TBL1XR1: variants seen among roughly 807,000 people sequenced by gnomAD.
The protein encoded by TBL1XR1 is F-box-like/WD repeat-containing protein TBL1XR1.
TBL1XR1 carries 5 observed loss-of-function variants against 66.9 expected under a neutral mutation model. The observed-to-expected ratio is 0.07, with a 90% CI of 0.04 to 0.16. TBL1XR1 has a LOEUF of 0.16. Ranked by LOEUF, TBL1XR1 falls within the 10% of genes least tolerant of loss-of-function variation. The pLI, the probability that TBL1XR1 is intolerant of heterozygous loss-of-function variation, is 1.00. For missense variants in TBL1XR1, 238 were observed against 623.2 expected (o/e 0.38, Z 6.58); for synonymous variants, 210 against 206.0 (o/e 1.02, Z -0.17).
chr3:177,178,613 C>A (rs2178404), intron 1 of TBL1XR1, among the ~76,000 whole-genome samples: 144,140 of 152,282 alleles, frequency 0.95, 68,374 homozygotes, highest in Admixed American at 0.98. Flanking sequence ...TTGGGATGCC[C>A]AGGCAGGCGG....
At chr3:177,044,364 G>A (rs920890049) in intron 10 of TBL1XR1, among the ~76,000 whole-genome samples, 1 of 152,106 alleles carries the variant, frequency 6.6e-6, no homozygotes, top group African/African-American at 2.4e-5. Flanking sequence ...ATAGCCAGCT[G>A]CTGATTAGAA....
At chr3:177,039,960 A>C (rs536868704) in intron 10 of TBL1XR1, among the ~76,000 whole-genome samples, 2 of 152,304 alleles carry the variant, frequency 1.3e-5, no homozygotes, top group East Asian at 3.9e-4. Flanking sequence ...ACAATGTCTA[A>C]AATACTTTCA....
chr3:177,085,110 A>AT (rs1443860544), intron 2 of TBL1XR1, among the ~76,000 whole-genome samples: 1 of 152,226 alleles, frequency 6.6e-6, no homozygotes, highest in East Asian at 1.9e-4. Context: ...ACTGAAAAGC[A>AT]TAAGAATAAA....
At chr3:177,104,129 A>AAGAGAG (rs1553844013) in intron 1 of TBL1XR1, among the ~76,000 whole-genome samples, 1,625 of 141,036 alleles carry the variant, frequency 0.012, 75 homozygotes, top group Middle Eastern at 0.025. Flanking sequence ...AAAAAAAAAA[A>AAGAGAG]AGAGAGAGAG....
At chr3:177,067,998 C>T (rs1719391843) in intron 2 of TBL1XR1, among the ~76,000 whole-genome samples, 1 of 152,210 alleles carries the variant, frequency 6.6e-6, no homozygotes, top group African/African-American at 2.4e-5. Context: ...TTTAGAACAA[C>T]TGTCTTTAAA....
intron 2 of TBL1XR1, among the ~76,000 whole-genome samples, chr3:177,094,768 T>G (rs1723247970): frequency 6.6e-6 from 1 of 151,730 alleles, no homozygotes; most frequent in Non-Finnish European, 1.5e-5. Context: ...AGCGAAGCTA[T>G]GAGGAGGATG....
chr3:177,121,739 G>A (rs558683560), intron 1 of TBL1XR1, among the ~76,000 whole-genome samples: 1 of 152,080 alleles, frequency 6.6e-6, no homozygotes, highest in Admixed American at 6.6e-5. Flanking sequence ...CAATCCCATC[G>A]AGGCTGTTCC....
chr3:177,168,171 C>T (rs544432349), intron 1 of TBL1XR1, among the ~76,000 whole-genome samples: 3 of 152,172 alleles, frequency 2.0e-5, no homozygotes, highest in African/African-American at 7.2e-5. Flanking sequence ...TTAAAAATAA[C>T]TTATGAATCC....
chr3:177,051,387 AC>A (rs1717066264), intron 5 of TBL1XR1, 116 bp downstream of exon 5: 1 of 892,364 alleles, frequency 1.1e-6, no homozygotes, highest in Non-Finnish European at 1.7e-6. Flanking sequence ...TGTACAACAA[AC>A]CCCTGTGATA....
At chr3:177,070,852 A>AAAT (rs1719887979) in intron 2 of TBL1XR1, among the ~76,000 whole-genome samples, 8 of 151,482 alleles carry the variant, frequency 5.3e-5, no homozygotes, top group African/African-American at 7.3e-5. Flanking sequence ...TCTCAAAAAA[A>AAAT]AAATAAATAA....
At chr3:177,102,049 T>C (rs1182406488) in intron 1 of TBL1XR1, among the ~76,000 whole-genome samples, 1 of 152,178 alleles carries the variant, frequency 6.6e-6, no homozygotes, top group African/African-American at 2.4e-5. Context: ...CTTACATACA[T>C]CTACCTTTAT....
At chr3:177,163,864 A>G (rs1157061576) in intron 1 of TBL1XR1, 1 of 152,236 alleles carries the variant, frequency 6.6e-6, no homozygotes, top group Non-Finnish European at 1.5e-5. Context: ...ACACATAGAT[A>G]TACACATAAA....
At chr3:177,179,233 C>T (rs573051748) in intron 1 of TBL1XR1, among the ~76,000 whole-genome samples, 4 of 151,774 alleles carry the variant, frequency 2.6e-5, no homozygotes, top group Non-Finnish European at 5.9e-5. Flanking sequence ...ACTAGGCCAA[C>T]AGGAAGAATT....
chr3:177,101,090 C>A lies in TBL1XR1; in HGVS notation c.-121-2549G>T, dbSNP rs9859472. The stretch of plus-strand genomic sequence containing the variant: ...CAGGCTGGTCCCGAACTCCCAACCT[C>A]GGGTGATCTGCCCGCCTCAGCCTCC... On this transcript the variant is annotated intron_variant, in intron 1 of 15. Transcript: ENST00000457928. Among the ~76,000 whole-genome samples, 922 of 152,234 alleles carry A rather than the reference C, an allele frequency of 6.1e-3. 13 individuals carry two copies. Among genetic ancestry groups the A allele is most frequent in the African/African-American group, 0.021 (872 of 41,534 alleles).
chr3:177,185,996 G>C (rs1292805652), intron 1 of TBL1XR1, among the ~76,000 whole-genome samples: 1 of 152,112 alleles, frequency 6.6e-6, no homozygotes, highest in African/African-American at 2.4e-5. Context: ...AGGTGACAGA[G>C]CAAGACCCTG....
chr3:177,150,829 TTAA>T (rs768679428), intron 1 of TBL1XR1, among the ~76,000 whole-genome samples: 21 of 152,168 alleles, frequency 1.4e-4, no homozygotes, highest in Admixed American at 7.9e-4. Flanking sequence ...GAGTGAGGTA[TTAA>T]TAAGGAGAAA....
chr3:177,164,978 C>T (rs909607959), intron 1 of TBL1XR1, among the ~76,000 whole-genome samples: 4 of 151,768 alleles, frequency 2.6e-5, no homozygotes, highest in African/African-American at 9.7e-5. Flanking sequence ...TTTACCGTGG[C>T]AAAGAAATGT....
At chr3:177,122,131 G>T (rs937013005) in intron 1 of TBL1XR1, among the ~76,000 whole-genome samples, 1 of 151,978 alleles carries the variant, frequency 6.6e-6, no homozygotes, top group Non-Finnish European at 1.5e-5. Flanking sequence ...CTACAATGTT[G>T]ATTAATTCAC....
chr3:177,030,276 T>A (rs992060859), intron 14 of TBL1XR1, among the ~76,000 whole-genome samples: 5 of 151,710 alleles, frequency 3.3e-5, no homozygotes, highest in African/African-American at 1.2e-4. Flanking sequence ...AAAATTAATA[T>A]ATTCATATTA....
Sources: gnomAD v4.1 joint callset for allele counts (sites outside exome capture counted in the v4.1 genomes callset) on GRCh38, gnomAD v4.1.1 for gene constraint, MANE v1.5 for transcripts, NCBI Gene and HGNC (gene_info 2026-07-23, HGNC 2026-07-21) for gene names.